The following ANOS1 variants were observed in gnomAD, a reference collection of about 807,000 sequenced individuals.
The protein encoded by ANOS1 is anosmin 1.
ANOS1 carries 6 observed loss-of-function variants against 59.0 expected under a neutral mutation model. That is an observed-to-expected ratio of 0.10 (90% CI 0.06 to 0.20). The LOEUF (loss-of-function observed/expected upper bound fraction) is 0.20, where lower values mean the gene tolerates loss of function less well. Ranked by LOEUF, ANOS1 falls within the 10% of genes least tolerant of loss-of-function variation. ANOS1 has a pLI of 1.00. For missense variants in ANOS1, 433 were observed against 542.3 expected, an observed-to-expected ratio of 0.80 and a Z score of 2.00; for synonymous variants, 217 against 223.4, an observed-to-expected ratio of 0.97 and a Z score of 0.25.
chrX:8,731,371 G>C (rs993461153), intron 1 of ANOS1, among the ~76,000 whole-genome samples: 1 of 111,794 alleles, frequency 8.9e-6, no homozygotes, highest in African/African-American at 3.3e-5. Flanking sequence ...GTCGGCCCGC[G>C]GGCACCTGCG....
rs763666142 is a variant in ANOS1 at position 8,660,539 on chromosome X, C to T, written c.256-36869G>A. Among the ~76,000 whole-genome samples the T allele has an allele frequency of 2.0e-3, 224 of 111,215 alleles. 1 individual carries two copies. The highest frequency in any genetic ancestry group is 6.8e-3 in the African/African-American group (209 of 30,544). The stretch of plus-strand genomic sequence containing the variant: ...TCTGTCATCCCAGCCCTCTAGGAGG[C>T]CAAGGTGGGAGGATTGCTTGAGCCC... On this transcript the variant is annotated intron_variant, in intron 2 of 13. Coordinates refer to ENST00000262648, the MANE Select transcript of ANOS1 (RefSeq NM_000216.4).
chrX:8,597,287 C>T, intron 3 of ANOS1, 31 bp from the exon 4 acceptor site: 1 of 1,105,909 alleles, frequency 9.0e-7, no homozygotes, highest in Non-Finnish European at 1.2e-6. Flanking sequence ...AAAAAATATT[C>T]CATTAAAGAC....
chrX:8,672,923 C>T (rs1344747053), intron 2 of ANOS1, among the ~76,000 whole-genome samples: 2 of 111,363 alleles, frequency 1.8e-5, no homozygotes, highest in Non-Finnish European at 3.8e-5. Context: ...AGGAAAATAA[C>T]AAAAGCAATA....
intron 9 of ANOS1, among the ~76,000 whole-genome samples, chrX:8,541,413 C>T (rs774022384): frequency 1.9e-3 from 192 of 101,675 alleles, no homozygotes; most frequent in South Asian, 0.01. Context: ...CCCACCACCC[C>T]CCCCCCAAAA....
chrX:8,575,629 C>T (rs755804378), intron 6 of ANOS1, among the ~76,000 whole-genome samples: 2 of 111,292 alleles, frequency 1.8e-5, no homozygotes, highest in East Asian at 5.7e-4. Flanking sequence ...CATGAAACAA[C>T]ACAATTTATG....
chrX:8,606,420 G>C (rs1930944543), intron 3 of ANOS1, among the ~76,000 whole-genome samples: 1 of 112,141 alleles, frequency 8.9e-6, no homozygotes, highest in Admixed American at 9.4e-5. Context: ...AGGAGTGGTG[G>C]AGAAAACCTA....
At chrX:8,636,789 A>G (rs1183749491) in intron 2 of ANOS1, among the ~76,000 whole-genome samples, 1 of 111,923 alleles carries the variant, frequency 8.9e-6, no homozygotes, top group Non-Finnish European at 1.9e-5. Context: ...CAGCTTTGTC[A>G]ACATGAAAGC....
At chrX:8,638,114 T>C (rs1931602096) in intron 2 of ANOS1, among the ~76,000 whole-genome samples, 1 of 111,761 alleles carries the variant, frequency 8.9e-6, no homozygotes, top group Admixed American at 9.5e-5. Flanking sequence ...CTAGAGTCCA[T>C]TCCTTCAACA....
intron 3 of ANOS1, among the ~76,000 whole-genome samples, chrX:8,616,295 G>A (rs958714297): frequency 6.3e-5 from 7 of 111,260 alleles, no homozygotes; most frequent in Admixed American, 3.8e-4. Flanking sequence ...TTTGGCTATC[G>A]GAACACCACA....
chrX:8,640,629 TTG>T (rs1344108232), intron 2 of ANOS1, among the ~76,000 whole-genome samples: 13 of 109,023 alleles, frequency 1.2e-4, no homozygotes, highest in African/African-American at 3.7e-4. Context: ...GTCGCATTTC[TTG>T]TTTTTTTTTT....
intron 6 of ANOS1, among the ~76,000 whole-genome samples, chrX:8,578,799 T>C (rs1273537263): frequency 1.2e-4 from 14 of 112,564 alleles, no homozygotes; most frequent in Non-Finnish European, 1.9e-5. Flanking sequence ...CAAATTGATA[T>C]TGACTAATTT....
chrX:8,623,940 C>A (rs986192082), intron 2 of ANOS1, among the ~76,000 whole-genome samples: 6 of 109,856 alleles, frequency 5.5e-5, no homozygotes, highest in African/African-American at 1.7e-4. Context: ...AAGTAATGAT[C>A]GTCACCATCA....
chrX:8,647,800 G>A (rs191538393), intron 2 of ANOS1, among the ~76,000 whole-genome samples: 1 of 111,676 alleles, frequency 9.0e-6, no homozygotes, highest in East Asian at 2.8e-4. Context: ...TAGGGTGAGT[G>A]ACAGAGGAGA....
intron 2 of ANOS1, among the ~76,000 whole-genome samples, chrX:8,663,810 T>G (rs1213397586): frequency 8.9e-6 from 1 of 111,986 alleles, no homozygotes; most frequent in East Asian, 2.8e-4. Flanking sequence ...ATGGAATCAA[T>G]CCAATGCCCA....
At chrX:8,628,417 TTAA>T (rs1278569501) in intron 2 of ANOS1, among the ~76,000 whole-genome samples, 2 of 112,235 alleles carry the variant, frequency 1.8e-5, no homozygotes, top group Non-Finnish European at 3.8e-5. Context: ...CTTTACTTTC[TTAA>T]TAAACTTGCT....
intron 2 of ANOS1, among the ~76,000 whole-genome samples, chrX:8,645,005 A>G (rs1931728439): frequency 8.9e-6 from 1 of 112,695 alleles, no homozygotes; most frequent in Non-Finnish European, 1.9e-5. Context: ...AGGCCCTATC[A>G]TAGGCCACGG....
intron 2 of ANOS1, among the ~76,000 whole-genome samples, chrX:8,684,962 G>GA (rs759552166): frequency 5.2e-4 from 57 of 110,546 alleles, no homozygotes; most frequent in African/African-American, 1.3e-3. Flanking sequence ...GCAGAAGGCT[G>GA]AATCTGGGTG....
intron 9 of ANOS1, among the ~76,000 whole-genome samples, chrX:8,553,343 C>A (rs1929887844): frequency 9.0e-6 from 1 of 111,616 alleles, no homozygotes; most frequent in Non-Finnish European, 1.9e-5. Context: ...TTTCATTGTA[C>A]TGGAATAATG....
chrX:8,704,545 A>G (rs762133032), intron 1 of ANOS1, among the ~76,000 whole-genome samples: 18 of 112,376 alleles, frequency 1.6e-4, no homozygotes. Context: ...ATATCAATAC[A>G]TTGCGTTGAG....
Sources: gnomAD v4.1 joint callset for allele counts (sites outside exome capture counted in the v4.1 genomes callset) on GRCh38, gnomAD v4.1.1 for gene constraint, MANE v1.5 for transcripts, NCBI Gene and HGNC (gene_info 2026-07-23, HGNC 2026-07-21) for gene names.